Variants in RERE observed in about 807,000 individuals in gnomAD.
RERE encodes arginine-glutamic acid dipeptide repeats.
RERE carries 40 observed loss-of-function variants against 146.1 expected under a neutral mutation model. The observed-to-expected ratio is 0.27, with a 90% CI of 0.21 to 0.36. The LOEUF (loss-of-function observed/expected upper bound fraction) is 0.36. RERE is among the 10% of genes least tolerant of loss of function. The pLI, the probability that RERE is intolerant of heterozygous loss-of-function variation, is 1.00. For synonymous variants in RERE, 1,003 were observed against 866.0 expected (o/e 1.16, Z -2.78); for missense variants, 1,933 against 2,138.7 (o/e 0.90, Z 1.90).
chr1:8,756,113 A>G (rs1294423224), intron 1 of RERE, among the ~76,000 whole-genome samples: 3 of 152,172 alleles, frequency 2.0e-5, no homozygotes, highest in African/African-American at 7.2e-5. Flanking sequence ...TGGGCAACAT[A>G]GCGAGACCCC....
intron 1 of RERE, 39 bp from the exon 2 acceptor site, chr1:8,656,480 A>C: frequency 1.2e-6 from 1 of 801,288 alleles, no homozygotes; most frequent in Non-Finnish European, 1.9e-6. Context: ...GCTTTTTCAT[A>C]TTTGTTTCCT....
chr1:8,554,116 G>C (rs1645974651), intron 6 of RERE, among the ~76,000 whole-genome samples: 1 of 152,172 alleles, frequency 6.6e-6, no homozygotes, highest in Non-Finnish European at 1.5e-5. Context: ...AGGAGGCGGA[G>C]GTTGCAGTAA....
chr1:8,526,033 A>G, intron 7 of RERE: 3 of 1,252,320 alleles, frequency 2.4e-6, no homozygotes, highest in Non-Finnish European at 3.0e-6. Context: ...CCACGACGCA[A>G]TCAATCTCAA....
chr1:8,683,080 G>A lies in RERE; in HGVS notation c.-144-26639C>T, dbSNP rs533561748. Among the ~76,000 whole-genome samples the A allele has an allele frequency of 2.1e-4, 27 of 131,116 alleles. No individual in the cohort carries two copies. The South Asian group carries it at 6.8e-3, about 33-fold the overall frequency. The allele number at this position is 131,116 out of a possible 152,430, so 86.0% of individuals were successfully genotyped here. A position where few individuals can be genotyped will look rare whatever the true frequency, so the allele number is the denominator to read the frequency against. ...AGAATGGAACTCAAAAATTCTATTAGTATAATCATCAAGCTTCAAAAACCA... is the reference window on the plus strand; with the variant it reads ...AGAATGGAACTCAAAAATTCTATTAATATAATCATCAAGCTTCAAAAACCA... On this transcript the variant is annotated intron_variant, in intron 1 of 22. Coordinates refer to ENST00000400908, the MANE Select transcript of RERE (RefSeq NM_001042681.2).
chr1:8,462,447 G>A (rs943008525), intron 11 of RERE, among the ~76,000 whole-genome samples: 3 of 152,254 alleles, frequency 2.0e-5, no homozygotes, highest in Middle Eastern at 3.2e-3. Context: ...AGCACTGGCC[G>A]CGGGATGGGC....
At chr1:8,559,643 C>T (rs936501859) in intron 4 of RERE, among the ~76,000 whole-genome samples, 2 of 152,016 alleles carry the variant, frequency 1.3e-5, no homozygotes, top group Admixed American at 1.3e-4. Context: ...TATGGATGTG[C>T]TAACATCTGA....
At chr1:8,608,654 T>C (rs1341585612) in intron 4 of RERE, among the ~76,000 whole-genome samples, 1 of 152,230 alleles carries the variant, frequency 6.6e-6, no homozygotes, top group African/African-American at 2.4e-5. Flanking sequence ...TTAAATCTAA[T>C]ATATGCCTAT....
rs550582941 is a variant in RERE at position 8,353,366 on chromosome 1, G to C, written c.*1721C>G. ...TTGAGCCAGTAGCTGCTGGTTTCTA[G>C]ATCAAACTATCAGCATCTCTTCCTG... On this transcript the variant is annotated 3_prime_UTR_variant, in exon 23 of 23. Coordinates refer to ENST00000400908, the MANE Select transcript of RERE (RefSeq NM_001042681.2). The C allele has an allele frequency of 1.2e-4, 18 of 152,252 alleles. No homozygotes were observed. Among genetic ancestry groups the C allele is most frequent in the African/African-American group, 4.3e-4 (18 of 41,464 alleles). 9.4% of individuals were successfully genotyped at this position (152,252 alleles called of 1,614,324 possible).
At chr1:8,806,257 C>T (rs575328217) in intron 1 of RERE, among the ~76,000 whole-genome samples, 3 of 152,166 alleles carry the variant, frequency 2.0e-5, no homozygotes, top group South Asian at 2.1e-4. Context: ...TGGCCAGGCA[C>T]GGTGGCTCAC....
At chr1:8,456,872 C>T (rs1196094280) in intron 11 of RERE, among the ~76,000 whole-genome samples, 1 of 152,168 alleles carries the variant, frequency 6.6e-6, no homozygotes, top group African/African-American at 2.4e-5. Context: ...AGAAAAAGTT[C>T]AACCCCTCTA....
chr1:8,380,732 A>T (rs1394475568), intron 12 of RERE: 1 of 402,836 alleles, frequency 2.5e-6, no homozygotes, highest in East Asian at 7.2e-5. Flanking sequence ...CTCAGCAATG[A>T]AGGAGAACAG....
intron 1 of RERE, among the ~76,000 whole-genome samples, chr1:8,783,343 T>A (rs72857219): frequency 0.018 from 2,738 of 152,262 alleles, 100 homozygotes; most frequent in African/African-American, 0.064. Flanking sequence ...TAAAAAAATT[T>A]AAAAACTCAT....
intron 1 of RERE, among the ~76,000 whole-genome samples, chr1:8,687,300 G>C (rs1175919946): frequency 6.6e-6 from 1 of 152,208 alleles, no homozygotes; most frequent in African/African-American, 2.4e-5. Context: ...GGATGCCCTG[G>C]AAGGTGGCAA....
chr1:8,483,447 C>CA lies in RERE; in HGVS notation c.1104+11615dup, dbSNP rs1276018519. ...GTGAAGGCCATTTATAATGAACAAACAAAAAATCTGACAAAAATTCTATGG... is the reference window on the plus strand; with the variant it reads ...GTGAAGGCCATTTATAATGAACAAACAAAAAAATCTGACAAAAATTCTATGG... On this transcript the variant is annotated intron_variant, in intron 10 of 22. Transcript: ENST00000400908. Among the ~76,000 whole-genome samples the CA allele has an allele frequency of 2.6e-5, 4 of 152,184 alleles. No individual in the cohort carries two copies. The East Asian group carries it at 5.8e-4, about 22-fold the overall frequency.
At chr1:8,605,603 G>T (rs893193198) in intron 4 of RERE, among the ~76,000 whole-genome samples, 1 of 151,968 alleles carries the variant, frequency 6.6e-6, no homozygotes, top group African/African-American at 2.4e-5. Context: ...ACAAAAATTA[G>T]CCAGGTGTGG....
intron 1 of RERE, among the ~76,000 whole-genome samples, chr1:8,778,239 T>C (rs184732362): frequency 2.0e-4 from 30 of 152,360 alleles, no homozygotes; most frequent in Non-Finnish European, 2.4e-4. Context: ...GTCTTTCTGC[T>C]GTATTCAGCT....
In RERE at chr1:8,536,944, T is replaced by A. The variant is rs1251173542; in HGVS notation, c.830+4270A>T. 2.6e-5 allele frequency among the ~76,000 whole-genome samples: 4 copies of A among 152,300 alleles called. No individual in the cohort carries two copies. The East Asian group carries it at 7.7e-4, about 29-fold the overall frequency. ...CCCGCTGAGTGGAGCGGCTCATACC[T>A]GTACTCCCAGCACTTTGGGAAGCTG... On this transcript the variant is annotated intron_variant, in intron 7 of 22. Transcript: ENST00000400908.
At chr1:8,541,641 A>C (rs1645802256) in intron 6 of RERE, among the ~76,000 whole-genome samples, 1 of 152,222 alleles carries the variant, frequency 6.6e-6, no homozygotes, top group African/African-American at 2.4e-5. Flanking sequence ...TGAATATAAG[A>C]AAAACTCAGT....
intron 1 of RERE, among the ~76,000 whole-genome samples, chr1:8,711,187 A>AG (rs1639661553): frequency 2.9e-5 from 4 of 138,612 alleles, no homozygotes; most frequent in Admixed American, 7.3e-5. Context: ...AAAAAAAAAA[A>AG]GGGAGTGATA....
Sources: gnomAD v4.1 joint callset for allele counts (sites outside exome capture counted in the v4.1 genomes callset) on GRCh38, gnomAD v4.1.1 for gene constraint, MANE v1.5 for transcripts, NCBI Gene and HGNC (gene_info 2026-07-23, HGNC 2026-07-21) for gene names.